The following ZNF227 variants were observed in gnomAD, a reference collection of about 807,000 sequenced individuals.
The protein encoded by ZNF227 is zinc finger protein 227.
Under a neutral mutation model 13.2 loss-of-function variants are expected in ZNF227, and 12 were observed. The observed-to-expected ratio is 0.91, with a 90% CI of 0.58 to 1.47. The LOEUF is 1.47. Among genes scored for constraint, ZNF227 ranks in the 40% most tolerant of loss-of-function variants. The pLI is 0.00. For missense variants in ZNF227, 885 were observed against 967.5 expected, an observed-to-expected ratio of 0.91 and a Z score of 1.13; for synonymous variants, 338 against 326.0, an observed-to-expected ratio of 1.04 and a Z score of -0.40.
chr19:44,235,379 A>T lies in ZNF227; in HGVS notation c.949A>T (p.Asn317Tyr). Residue 317 changes from asparagine (N) to tyrosine (Y), a missense_variant, in exon 6 of 6, where the codon AAT becomes TAT. Transcript: ENST00000313040. ...GAGCTCTTTTCATTCTTATCAATCT[A>T]ATCATACAGGAGAGAAGTCTTATAG... ...NKSSFHSYQSNHTGEKSYRCD... is the reference protein window; with the variant it reads ...NKSSFHSYQSYHTGEKSYRCD... 1 of 1,614,210 alleles carries T rather than the reference A, an allele frequency of 6.2e-7. No homozygotes were observed. The highest frequency in any genetic ancestry group is 8.5e-7 in the Non-Finnish European group (1 of 1,180,028).
upstream of ZNF227, among the ~76,000 whole-genome samples, chr19:44,208,910 C>T (rs182391915): frequency 3.3e-5 from 5 of 152,198 alleles, no homozygotes; most frequent in East Asian, 3.9e-4. Flanking sequence ...ATATTCACTG[C>T]TGTATATTTA....
intron 3 of ZNF227, among the ~76,000 whole-genome samples, chr19:44,219,141 C>A (rs1972184255): frequency 6.6e-6 from 1 of 152,208 alleles, no homozygotes; most frequent in Non-Finnish European, 1.5e-5. Context: ...CCCACTTCGG[C>A]CTCCCAAAGT....
At chr19:44,212,064 AT>A, upstream of ZNF227, among the ~76,000 whole-genome samples, 1 of 151,208 alleles carries the variant, frequency 6.6e-6, no homozygotes. Flanking sequence ...TAATTTTTAT[AT>A]TTTTAGTAGA....
At chr19:44,212,416 G>C (rs1308310864), upstream of ZNF227, 2 of 146,944 alleles carry the variant, frequency 1.4e-5, no homozygotes, top group Non-Finnish European at 3.0e-5. Context: ...GCGGCACCTG[G>C]ATGGTTTTTC....
chr19:44,232,536 T>A (rs1973945707), intron 5 of ZNF227, among the ~76,000 whole-genome samples: 1 of 152,224 alleles, frequency 6.6e-6, no homozygotes, highest in Admixed American at 6.5e-5. Flanking sequence ...GAGAGATATA[T>A]AGGGTGAAAT....
chr19:44,231,710 C>T (rs967675155), intron 5 of ZNF227, among the ~76,000 whole-genome samples: 2 of 152,310 alleles, frequency 1.3e-5, no homozygotes, highest in Non-Finnish European at 2.9e-5. Flanking sequence ...CCCTTTTACT[C>T]AGAGTTAGCT....
At chr19:44,226,951 A>G (rs1973233006) in intron 3 of ZNF227, among the ~76,000 whole-genome samples, 2 of 152,146 alleles carry the variant, frequency 1.3e-5, no homozygotes, top group African/African-American at 4.8e-5. Flanking sequence ...TAAATATTCT[A>G]TGACTTTGCA....
intron 3 of ZNF227, among the ~76,000 whole-genome samples, chr19:44,226,974 T>C (rs865869358): frequency 1.3e-5 from 2 of 152,212 alleles, no homozygotes; most frequent in African/African-American, 2.4e-5. Flanking sequence ...TGCTACTTCT[T>C]GGCCATGAGC....
rs148445181 is a variant in ZNF227 at position 44,235,534 on chromosome 19, G to A, written c.1104G>A (p.Gln368=). ...GCTTTAGTCAAAGTTCAAATTTTCAGTGCCATCAGAGAGTCCACACTGAAG... is the reference window on the plus strand; with the variant it reads ...GCTTTAGTCAAAGTTCAAATTTTCAATGCCATCAGAGAGTCCACACTGAAG... ...GKCFSQSSNF[Q]CHQRVHTEEK... is the part of the protein sequence containing the mutation. Residue 368 remains glutamine (Q), a synonymous_variant, in exon 6 of 6, where the codon CAG becomes CAA. Transcript: ENST00000313040. 1,188 of 1,614,094 alleles carry A rather than the reference G, an allele frequency of 7.4e-4. 4 individuals carry two copies. The African/African-American group carries it at 0.014, about 19-fold the overall frequency.
intron 5 of ZNF227, among the ~76,000 whole-genome samples, chr19:44,233,366 T>A (rs781132517): frequency 9.2e-5 from 14 of 152,180 alleles, no homozygotes; most frequent in Non-Finnish European, 1.8e-4. Flanking sequence ...TTCTGTTTTT[T>A]GTTTTTTTGT....
rs1435477744 is a variant in ZNF227 at position 44,236,294 on chromosome 19, C to T, written c.1864C>T (p.His622Tyr). The change falls in exon 6 of 6, where the codon CAT becomes TAT. Residue 622 changes from histidine (H) to tyrosine (Y), a missense_variant. By Grantham distance (83) the His-to-Tyr change is moderately conservative. Coordinates refer to ENST00000313040, the MANE Select transcript of ZNF227 (RefSeq NM_182490.3). ...CAGTCAGGCCATAGATTTTCGGGTA[C>T]ATCAGAGAGTCCATACTGGAGAGAA... Reference protein sequence around the residue: ...SFSQAIDFRVHQRVHTGEKPY... With the variant: ...SFSQAIDFRVYQRVHTGEKPY... 4 of 1,613,818 alleles carry T rather than the reference C, an allele frequency of 2.5e-6. No individual in the cohort carries two copies. The East Asian group carries it at 6.7e-5, about 27-fold the overall frequency.
chr19:44,233,313 AT>A (rs1974053311), intron 5 of ZNF227, among the ~76,000 whole-genome samples: 1 of 152,118 alleles, frequency 6.6e-6, no homozygotes, highest in Non-Finnish European at 1.5e-5. Flanking sequence ...AGTATTTCCT[AT>A]AGTAGTACTC....
rs530928786 is a variant in ZNF227, at chr19:44,219,527, C to A, written c.60+1675C>A. 4.6e-5 allele frequency among the ~76,000 whole-genome samples: 7 copies of A among 152,088 alleles called. No individual in the cohort carries two copies. The South Asian group carries it at 1.5e-3, about 32-fold the overall frequency. On this transcript the variant is annotated intron_variant, in intron 3 of 5. Coordinates refer to ENST00000313040, the MANE Select transcript of ZNF227 (RefSeq NM_182490.3). ...GAAAAGAAATTTATGAAAAAAACTTCACTAATAATTTAAATGTGTGAAAAT... is the reference window on the plus strand; with the variant it reads ...GAAAAGAAATTTATGAAAAAAACTTAACTAATAATTTAAATGTGTGAAAAT...
intron 5 of ZNF227, among the ~76,000 whole-genome samples, chr19:44,231,477 C>T (rs979808460): frequency 8.0e-5 from 12 of 150,584 alleles, no homozygotes; most frequent in Non-Finnish European, 1.0e-4. Flanking sequence ...GGATTACAGG[C>T]GCCTGCCACC....
chr19:44,236,018 A>C lies in ZNF227; in HGVS notation c.1588A>C (p.Ser530Arg), dbSNP rs1974444468. ...FKCETCGKGF[S>R]QSSKLQTHQR... is the part of the protein sequence containing the mutation. ...GTGTGAAACGTGTGGGAAGGGCTTC[A>C]GTCAGTCCTCAAAGCTTCAAACCCA... Residue 530 changes from serine to arginine, a missense_variant, in exon 6 of 6, where the codon AGT becomes CGT. By Grantham distance (110) the Ser-to-Arg change is moderately radical. Coordinates refer to ENST00000313040, the MANE Select transcript of ZNF227 (RefSeq NM_182490.3). 2.5e-6 allele frequency: 4 copies of C among 1,613,996 alleles called. No individual in the cohort carries two copies. The highest frequency in any genetic ancestry group is 3.4e-6 in the Non-Finnish European group (4 of 1,179,970).
chr19:44,230,716 T>C (rs1020982895), intron 5 of ZNF227, among the ~76,000 whole-genome samples: 1 of 151,558 alleles, frequency 6.6e-6, no homozygotes, highest in Non-Finnish European at 1.5e-5. Flanking sequence ...CCCCTTACCT[T>C]TCCTTTCTCT....
chr19:44,230,926 A>ATATATATAT (rs1315206035), intron 5 of ZNF227, among the ~76,000 whole-genome samples: 10 of 68,114 alleles, frequency 1.5e-4, no homozygotes, highest in Non-Finnish European at 2.1e-4. Flanking sequence ...AAAAAAAAAA[A>ATATATATAT]ATATATATAT....
chr19:44,233,752 T>C (rs1384819956), intron 5 of ZNF227, among the ~76,000 whole-genome samples: 1 of 151,970 alleles, frequency 6.6e-6, no homozygotes, highest in Non-Finnish European at 1.5e-5. Context: ...AAAAATTGGC[T>C]GAGTGTAGTG....
rs763644879 is a variant in ZNF227 at position 44,236,423 on chromosome 19, T to C, written c.1993T>C (p.Cys665Arg). The change falls in exon 6 of 6, where the codon TGT becomes CGT. Residue 665 changes from cysteine to arginine, a missense_variant. Cys to Arg is a radical substitution (Grantham distance 180). Transcript: ENST00000313040. Reference sequence around the variant, plus strand: ...GGAAAAGCCATACAAATGTGATGTGTGTGGAAAGGGCTTTAGATACAGTTC... The same window carrying C: ...GGAAAAGCCATACAAATGTGATGTGCGTGGAAAGGGCTTTAGATACAGTTC... ...TGEKPYKCDV[C>R]GKGFRYSSQF... is the part of the protein sequence containing the mutation. The C allele has an allele frequency of 6.8e-6, 11 of 1,613,666 alleles. No homozygotes were observed. Among genetic ancestry groups the C allele is most frequent in the Non-Finnish European group, 9.3e-6 (11 of 1,179,990 alleles).
Sources: allele counts gnomAD v4.1 joint callset (sites outside exome capture counted in the v4.1 genomes callset), GRCh38; gene constraint gnomAD v4.1.1; transcripts MANE v1.5; gene names NCBI Gene and HGNC (gene_info 2026-07-23, HGNC 2026-07-21).